DPP10: variants seen among roughly 807,000 people sequenced by gnomAD.
DPP10 encodes dipeptidyl peptidase like 10.
A neutral mutation model predicts 120.9 loss-of-function variants in DPP10; 33 were observed. That is an observed-to-expected ratio of 0.27 (90% CI 0.21 to 0.37). DPP10 has a LOEUF of 0.37. Among genes scored for constraint, DPP10 ranks in the 10% least tolerant of loss-of-function variants. The pLI, the probability that DPP10 is intolerant of heterozygous loss-of-function variation, is 1.00. For synonymous variants in DPP10, 337 were observed against 326.1 expected, an observed-to-expected ratio of 1.03 and a Z score of -0.36; for missense variants, 816 against 942.8, an observed-to-expected ratio of 0.87 and a Z score of 1.76.
chr2:114,935,281 GC>G (rs1344543534), intron 1 of DPP10, among the ~76,000 whole-genome samples: 1 of 4,248 alleles, frequency 2.4e-4, no homozygotes, highest in Admixed American at 5.4e-3. Context: ...ATGCCTGTAA[GC>G]CCCATTCACC....
intron 4 of DPP10, among the ~76,000 whole-genome samples, chr2:115,513,240 C>T (rs1486386966): frequency 6.6e-6 from 1 of 151,664 alleles, no homozygotes; most frequent in Non-Finnish European, 1.5e-5. Context: ...ATACCTTTTT[C>T]ACCTTTTTAT....
At chr2:115,145,619 C>A (rs750850876) in intron 1 of DPP10, among the ~76,000 whole-genome samples, 42 of 152,266 alleles carry the variant, frequency 2.8e-4, no homozygotes, top group Middle Eastern at 3.4e-3. Context: ...CATCTCTGTG[C>A]AGGTTTTTAT....
intron 5 of DPP10, among the ~76,000 whole-genome samples, chr2:115,567,697 AG>A (rs1245480147): frequency 6.6e-6 from 1 of 152,228 alleles, no homozygotes; most frequent in Non-Finnish European, 1.5e-5. Flanking sequence ...TGGATCATTA[AG>A]GAAAATGTCG....
At chr2:115,585,505 A>G (rs1171255812) in intron 5 of DPP10, among the ~76,000 whole-genome samples, 1 of 152,212 alleles carries the variant, frequency 6.6e-6, no homozygotes, top group East Asian at 1.9e-4. Context: ...ATGTGATGTC[A>G]ATTAGCCTCA....
Position 115,549,242 on chromosome 2 carries a change from G to A in DPP10, c.441+23270G>A, listed in dbSNP as rs191892456. ...GTTACCCTGATATCAAAGTCTATAC[G>A]GTAGGCCTGGAGCTGCCTTTCTGAC... On this transcript the variant is annotated intron_variant, in intron 5 of 25. Transcript: ENST00000410059. 9.9e-5 allele frequency among the ~76,000 whole-genome samples: 15 copies of A among 152,124 alleles called. 1 individual carries two copies. The East Asian group carries it at 1.7e-3, about 18-fold the overall frequency.
At chr2:114,443,358 A>G (rs1300050014) in intron 1 of DPP10, among the ~76,000 whole-genome samples, 2 of 152,200 alleles carry the variant, frequency 1.3e-5, no homozygotes, top group Non-Finnish European at 2.9e-5. Flanking sequence ...GTATAAAATC[A>G]CATGTCTTTA....
At chr2:114,810,509 A>C (rs1453121980) in intron 1 of DPP10, among the ~76,000 whole-genome samples, 1 of 152,236 alleles carries the variant, frequency 6.6e-6, no homozygotes, top group African/African-American at 2.4e-5. Flanking sequence ...GACTTAGATC[A>C]TCATACAATA....
intron 3 of DPP10, among the ~76,000 whole-genome samples, chr2:115,381,210 C>A (rs1351068743): frequency 6.6e-6 from 1 of 152,184 alleles, no homozygotes; most frequent in Non-Finnish European, 1.5e-5. Context: ...TAGATTTGGT[C>A]TTTTCCCTTA....
intron 2 of DPP10, among the ~76,000 whole-genome samples, chr2:115,339,831 G>T (rs1245544416): frequency 1.3e-5 from 2 of 152,182 alleles, no homozygotes; most frequent in Non-Finnish European, 2.9e-5. Flanking sequence ...ATGAAAGAGT[G>T]GCAGAAGAGA....
At chr2:115,120,614 A>G (rs1311236469) in intron 1 of DPP10, among the ~76,000 whole-genome samples, 3 of 152,236 alleles carry the variant, frequency 2.0e-5, no homozygotes, top group Non-Finnish European at 2.9e-5. Context: ...ACAGTTACTA[A>G]GAGTCACAGT....
At chr2:115,007,204 C>T (rs1701916765) in intron 1 of DPP10, among the ~76,000 whole-genome samples, 1 of 152,096 alleles carries the variant, frequency 6.6e-6, no homozygotes, top group Non-Finnish European at 1.5e-5. Context: ...AATCCAGCAG[C>T]ACATCAAAAA....
intron 3 of DPP10, among the ~76,000 whole-genome samples, chr2:115,493,153 A>C (rs2076213181): frequency 1.3e-5 from 2 of 152,028 alleles, no homozygotes; most frequent in Admixed American, 1.3e-4. Flanking sequence ...GATAATGGTA[A>C]GTATTGTGTT....
chr2:115,279,313 A>G (rs1456853865), intron 1 of DPP10, among the ~76,000 whole-genome samples: 1 of 152,120 alleles, frequency 6.6e-6, no homozygotes, highest in Non-Finnish European at 1.5e-5. Flanking sequence ...TTAGAAAACA[A>G]CATTTTACTA....
intron 3 of DPP10, among the ~76,000 whole-genome samples, chr2:115,379,950 G>T (rs1167172282): frequency 4.6e-5 from 7 of 152,298 alleles, no homozygotes; most frequent in African/African-American, 1.7e-4. Flanking sequence ...TTTTACATTT[G>T]CTGTGGAGAG....
At chr2:115,415,838 CTT>C (rs199934358) in intron 3 of DPP10, among the ~76,000 whole-genome samples, 53 of 44,326 alleles carry the variant, frequency 1.2e-3, no homozygotes, top group Middle Eastern at 0.029. Context: ...ACCTGATTTG[CTT>C]TTATATATAT....
intron 2 of DPP10, among the ~76,000 whole-genome samples, chr2:115,311,219 C>G (rs1241228896): frequency 3.3e-5 from 5 of 152,190 alleles, no homozygotes; most frequent in Admixed American, 2.0e-4. Flanking sequence ...AACCTTCTCT[C>G]TCACTTTACT....
intron 3 of DPP10, among the ~76,000 whole-genome samples, chr2:115,399,772 G>T (rs2067932445): frequency 1.3e-5 from 2 of 152,004 alleles, no homozygotes; most frequent in Non-Finnish European, 2.9e-5. Flanking sequence ...AATTCTGATG[G>T]TTCTCTTTAC....
intron 12 of DPP10, 24 bp from the exon 13 acceptor site, chr2:115,768,273 G>C (rs1239514229): frequency 3.1e-6 from 5 of 1,606,010 alleles, no homozygotes; most frequent in Non-Finnish European, 4.3e-6. Flanking sequence ...TTCTGAGATT[G>C]TTCTGTGCTC....
At chr2:115,244,077 T>G (rs2058409759) in intron 1 of DPP10, among the ~76,000 whole-genome samples, 1 of 151,340 alleles carries the variant, frequency 6.6e-6, no homozygotes, top group African/African-American at 2.4e-5. Context: ...AATAAGAAAA[T>G]AAATGCTTAG....
Sources: allele counts gnomAD v4.1 joint callset (sites outside exome capture counted in the v4.1 genomes callset), GRCh38; gene constraint gnomAD v4.1.1; transcripts MANE v1.5; gene names NCBI Gene and HGNC (gene_info 2026-07-23, HGNC 2026-07-21).